SERPINB6: variants seen among roughly 807,000 people sequenced by gnomAD.
SERPINB6 encodes serpin family B member 6.
A neutral mutation model predicts 26.1 loss-of-function variants in SERPINB6; 16 were observed. That is an observed-to-expected ratio of 0.61 (90% CI 0.42 to 0.93). SERPINB6 has a LOEUF of 0.93. Among genes scored for constraint, SERPINB6 ranks in the 40% least tolerant of loss-of-function variants. The pLI, the probability that SERPINB6 is intolerant of heterozygous loss-of-function variation, is 0.00. For missense variants in SERPINB6, 420 were observed against 478.0 expected, an observed-to-expected ratio of 0.88 and a Z score of 1.13; for synonymous variants, 174 against 176.6, an observed-to-expected ratio of 0.99 and a Z score of 0.11.
intron 1 of SERPINB6, chr6:2,966,366 T>C: frequency 3.0e-6 from 3 of 987,094 alleles, no homozygotes; most frequent in Non-Finnish European, 3.6e-6. Flanking sequence ...GGGAATCTCT[T>C]TAAATTAGTT....
intron 1 of SERPINB6, chr6:2,966,868 T>C: frequency 1.2e-6 from 1 of 854,292 alleles, no homozygotes; most frequent in Middle Eastern, 6.0e-4. Context: ...TGGCCGAGGC[T>C]GGTCCCAAAC....
chr6:2,954,631 T>C lies in SERPINB6; in HGVS notation c.391A>G (p.Arg131Gly). The part of the protein sequence containing the change: ...LDFISAVEKS[R>G]KHINTWVAEK... ...GCTACCCAGGTGTTTATGTGTTTTC[T>C]GGACTTCTCTACGGCGCTGATAAAG... Residue 131 changes from arginine (R) to glycine (G), a missense_variant, in exon 4 of 7, where the codon AGA (arginine) becomes GGA (glycine). Transcript: ENST00000380539. 6.2e-7 allele frequency: 1 copy of C among 1,614,130 alleles called. No homozygotes were observed. Among genetic ancestry groups the C allele is most frequent in the East Asian group, 2.2e-5 (1 of 44,874 alleles).
chr6:2,954,560 A>T (rs1387980018), intron 4 of SERPINB6, 32 bp downstream of exon 4: 15 of 1,495,356 alleles, frequency 1.0e-5, no homozygotes, highest in Non-Finnish European at 1.4e-5. Flanking sequence ...TTAAGAGGTT[A>T]TTACAAAAGT....
At position 2,948,715 on chromosome 6, in the gene SERPINB6, T is replaced by C; in HGVS notation, c.730-16A>G. On this transcript the variant is annotated splice_polypyrimidine_tract_variant and intron_variant, in intron 6 of 6. Transcript: ENST00000380539. The surrounding 1 kb of genome is among the most constrained non-coding windows in gnomAD (Gnocchi z 5.0). ...CTTTCTCCACCTAGAGGGAGACAGT[T>C]GAAGACTTTAAGACCCAGGGTGCTG... is the stretch of plus-strand genomic sequence containing the variant. 1 of 1,613,502 alleles carries C rather than the reference T, an allele frequency of 6.2e-7. No individual in the cohort carries two copies. The highest frequency in any genetic ancestry group is 8.5e-7 in the Non-Finnish European group (1 of 1,179,436).
At chr6:2,965,167 C>T (rs1173833714) in intron 1 of SERPINB6, among the ~76,000 whole-genome samples, 1 of 152,208 alleles carries the variant, frequency 6.6e-6, no homozygotes, top group Non-Finnish European at 1.5e-5. Flanking sequence ...CCTTTCCCCC[C>T]TTTCCTTAGT....
intron 4 of SERPINB6, among the ~76,000 whole-genome samples, chr6:2,953,978 C>G (rs996493494): frequency 2.0e-5 from 3 of 151,588 alleles, no homozygotes; most frequent in African/African-American, 7.3e-5. Flanking sequence ...TGCAATGAGC[C>G]AAGATTGCAC....
chr6:2,949,923 C>G (rs1015113770), intron 5 of SERPINB6, among the ~76,000 whole-genome samples: 1 of 152,180 alleles, frequency 6.6e-6, no homozygotes, highest in Admixed American at 6.5e-5. Flanking sequence ...CATCTCATCT[C>G]TACGCAGTAA....
At chr6:2,955,442 G>A in intron 3 of SERPINB6, 82 bp downstream of exon 3, 2 of 1,533,186 alleles carry the variant, frequency 1.3e-6, no homozygotes, top group Admixed American at 3.3e-5. Flanking sequence ...GGCATTTAGA[G>A]CCACACGCTT....
intron 4 of SERPINB6, 69 bp from the exon 5 acceptor site, chr6:2,953,255 C>T: frequency 6.2e-7 from 1 of 1,604,634 alleles, no homozygotes; most frequent in African/African-American, 1.3e-5. Context: ...CAGGAATCGG[C>T]TGGGGCCTTC....
In SERPINB6 at chr6:2,967,508, C is replaced by A. The variant is rs1299607362; in HGVS notation, c.-11+4025G>T. On this transcript the variant is annotated intron_variant, in intron 1 of 6. Coordinates refer to ENST00000380539, the MANE Select transcript of SERPINB6 (RefSeq NM_004568.6). The surrounding 1 kb of genome is among the most constrained non-coding windows in gnomAD (Gnocchi z 4.3). ...AACTATCAACAGAGTAAACAGCCAA[C>A]CTACGGAATGGGAGAAAATATTCAC... 1.3e-5 allele frequency: 2 copies of A among 152,184 alleles called. No homozygotes were observed. 9.4% of individuals were successfully genotyped at this position (152,184 alleles called of 1,614,324 possible).
Position 2,959,261 on chromosome 6 carries a change from C to T in SERPINB6, c.72G>A (p.Ser24=), listed in dbSNP as rs1770839509. ...TCATGGGTGAGAAAAACACATTCTT[C>T]GAGTTGTCTTTACCCAGCGTTTTCA... ...NLLKTLGKDN[S]KNVFFSPMSM... is the part of the protein sequence containing the mutation. Residue 24 remains serine (S), a synonymous_variant, in exon 2 of 7, where the codon TCG becomes TCA. Transcript: ENST00000380539. 3 of 1,614,162 alleles carry T rather than the reference C, an allele frequency of 1.9e-6. No homozygotes were observed. The highest frequency in any genetic ancestry group is 1.7e-5 in the Admixed American group (1 of 60,020).
rs184407908 is a variant in SERPINB6, at chr6:2,957,260, G to A, written c.166-1590C>T. The stretch of plus-strand genomic sequence containing the variant: ...CGGGAACTCCTGCATCTGGCTAAGG[G>A]GTCCAGGAGGAAGCTGGCTTCTTTT... On this transcript the variant is annotated intron_variant, in intron 2 of 6. Transcript: ENST00000380539. The A allele has an allele frequency of 5.5e-4, 84 of 152,332 alleles. 1 individual carries two copies. Among genetic ancestry groups the A allele is most frequent in the African/African-American group, 1.9e-3 (78 of 41,554 alleles). 9.4% of individuals were successfully genotyped at this position (152,332 alleles called of 1,614,324 possible). A position where few individuals can be genotyped will look rare whatever the true frequency, so the allele number is the denominator to read the frequency against.
At chr6:2,962,819 G>A (rs1241806412) in intron 1 of SERPINB6, among the ~76,000 whole-genome samples, 2 of 152,248 alleles carry the variant, frequency 1.3e-5, no homozygotes, top group Non-Finnish European at 2.9e-5. Context: ...ACACCCTTAC[G>A]TCAAACAGCA....
At chr6:2,957,913 C>T (rs1344851366) in intron 2 of SERPINB6, 2 of 152,410 alleles carry the variant, frequency 1.3e-5, no homozygotes, top group African/African-American at 4.8e-5. Flanking sequence ...CAAGGAACAC[C>T]CTGCACCCAG....
chr6:2,957,549 T>C (rs3799202), intron 2 of SERPINB6: 37,219 of 152,164 alleles, frequency 0.24, 4,904 homozygotes, highest in Non-Finnish European at 0.3. Flanking sequence ...ATAGACCATC[T>C]GGCAGGCTCT....
chr6:2,970,900 G>C, intron 1 of SERPINB6: 2 of 1,230,540 alleles, frequency 1.6e-6, no homozygotes, highest in Non-Finnish European at 2.0e-6. Flanking sequence ...CACAGGTCTG[G>C]GCGACCTGAA....
chr6:2,958,224 G>A (rs1770704093), intron 2 of SERPINB6: 1 of 152,406 alleles, frequency 6.6e-6, no homozygotes, highest in Admixed American at 6.5e-5. Context: ...AGGACACAGG[G>A]AGAAAACAGT....
chr6:2,954,714 G>C lies in SERPINB6; in HGVS notation c.313-5C>G, dbSNP rs370994947. On this transcript the variant is annotated splice_polypyrimidine_tract_variant and splice_region_variant and intron_variant, in intron 3 of 6. Transcript: ENST00000380539. ...TTGGCAGGAATCTCTAAAAGACTAGGATAGACAGAGTGACATAACTGCCTG... is the reference window on the plus strand; with the variant it reads ...TTGGCAGGAATCTCTAAAAGACTAGCATAGACAGAGTGACATAACTGCCTG... 542 of 1,603,352 alleles carry C rather than the reference G, an allele frequency of 3.4e-4. No homozygotes were observed. The highest frequency in any genetic ancestry group is 1.1e-3 in the South Asian group (103 of 90,858).
At chr6:2,953,712 G>A (rs955310328) in intron 4 of SERPINB6, among the ~76,000 whole-genome samples, 1 of 152,050 alleles carries the variant, frequency 6.6e-6, no homozygotes, top group African/African-American at 2.4e-5. Context: ...GGTGCTACCT[G>A]TAGTCCCAAT....
Sources: gnomAD v4.1 joint callset for allele counts (sites outside exome capture counted in the v4.1 genomes callset) on GRCh38, gnomAD v4.1.1 for gene constraint, Gnocchi (gnomAD v3.1) non-coding constraint, MANE v1.5 for transcripts, NCBI Gene and HGNC (gene_info 2026-07-23, HGNC 2026-07-21) for gene names.